Variants in PDZRN3 observed in about 807,000 individuals in gnomAD.
PDZRN3 encodes E3 ubiquitin-protein ligase PDZRN3.
In PDZRN3, 38 loss-of-function variants were observed where a neutral mutation model predicts 85.7. The ratio of observed to expected loss-of-function variants is 0.44; its 90% CI spans 0.34 to 0.58. The LOEUF is 0.58. PDZRN3 is among the 20% of genes least tolerant of loss of function. PDZRN3 has a pLI of 0.01. For synonymous variants in PDZRN3, 759 were observed against 638.0 expected, an observed-to-expected ratio of 1.19 and a Z score of -2.86; for missense variants, 1,629 against 1,506.4, an observed-to-expected ratio of 1.08 and a Z score of -1.35.
intron 3 of PDZRN3, among the ~76,000 whole-genome samples, chr3:73,550,739 A>C (rs1231549339): frequency 6.6e-6 from 1 of 152,248 alleles, no homozygotes; most frequent in Non-Finnish European, 1.5e-5. Flanking sequence ...TTTGTGAATT[A>C]TAAAGAAATA....
At chr3:73,494,952 G>A (rs4353756) in intron 3 of PDZRN3, among the ~76,000 whole-genome samples, 148,081 of 152,290 alleles carry the variant, frequency 0.97, 72,101 homozygotes, top group East Asian at 1. Context: ...ATTCTCACTT[G>A]TAAGTGGGAG....
intron 3 of PDZRN3, among the ~76,000 whole-genome samples, chr3:73,456,506 T>A (rs1466822837): frequency 2.0e-5 from 3 of 152,216 alleles, no homozygotes; most frequent in Admixed American, 6.5e-5. Context: ...TTATTCTTTT[T>A]AAAAAACTAT....
Position 73,384,108 on chromosome 3 carries a change from G to A in PDZRN3, c.2458C>T (p.Pro820Ser). 1.9e-6 allele frequency: 3 copies of A among 1,614,006 alleles called. No individual in the cohort carries two copies. The highest frequency in any genetic ancestry group is 2.5e-6 in the Non-Finnish European group (3 of 1,180,006). The part of the protein sequence containing the change: ...SITEDPEVGT[P>S]TYSPSLKELD... The stretch of plus-strand genomic sequence containing the variant: ...TCCTTCAGGGACGGGCTATAGGTAG[G>A]GGTGCCCACTTCGGGATCTTCCGTG... Residue 820 changes from proline (P) to serine (S), a missense_variant, in exon 10 of 10, where the codon CCT becomes TCT. Physicochemically the swap from Pro to Ser is moderately conservative, Grantham distance 74. Coordinates refer to ENST00000263666, the MANE Select transcript of PDZRN3 (RefSeq NM_015009.3).
At chr3:73,401,410 A>T (rs1368730741) in intron 4 of PDZRN3, among the ~76,000 whole-genome samples, 1 of 152,226 alleles carries the variant, frequency 6.6e-6, no homozygotes, top group Non-Finnish European at 1.5e-5. Flanking sequence ...AGCCCAGGCA[A>T]CAGTCTAAGA....
Position 73,608,696 on chromosome 3 carries a change from A to T in PDZRN3, c.724-12T>A. 1 of 1,552,506 alleles carries T rather than the reference A, an allele frequency of 6.4e-7. No individual in the cohort carries two copies. The highest frequency in any genetic ancestry group is 8.8e-7 in the Non-Finnish European group (1 of 1,130,316). On this transcript the variant is annotated splice_polypyrimidine_tract_variant and intron_variant, in intron 1 of 9. Transcript: ENST00000263666. ...TTGGTTTCTTCGCCCTGCAGGTAACAAATGAGATCAAACTTTTATTTACCA... is the reference window on the plus strand; with the variant it reads ...TTGGTTTCTTCGCCCTGCAGGTAACTAATGAGATCAAACTTTTATTTACCA...
intron 2 of PDZRN3, among the ~76,000 whole-genome samples, chr3:73,607,490 T>C (rs1332979668): frequency 6.6e-6 from 1 of 152,164 alleles, no homozygotes; most frequent in African/African-American, 2.4e-5. Context: ...AGCAGTGCTA[T>C]GCTCTCCCAA....
chr3:73,492,784 T>C (rs540443920), intron 3 of PDZRN3, among the ~76,000 whole-genome samples: 2 of 152,190 alleles, frequency 1.3e-5, no homozygotes, highest in Non-Finnish European at 1.5e-5. Flanking sequence ...ATTTTGAATG[T>C]TCCCAGTGCA....
At chr3:73,500,615 G>A (rs1313247658) in intron 3 of PDZRN3, among the ~76,000 whole-genome samples, 2 of 152,124 alleles carry the variant, frequency 1.3e-5, no homozygotes, top group African/African-American at 4.8e-5. Flanking sequence ...ATGCCTTCTT[G>A]TTCTAGAGTG....
intron 1 of PDZRN3, 36 bp downstream of exon 1, chr3:73,624,067 C>G: frequency 2.1e-6 from 3 of 1,406,660 alleles, no homozygotes; most frequent in Non-Finnish European, 2.8e-6. Context: ...CCCCAGGGAT[C>G]CTGGCTGGAG....
intron 3 of PDZRN3, among the ~76,000 whole-genome samples, chr3:73,430,479 T>C (rs924037144): frequency 2.6e-5 from 4 of 152,034 alleles, no homozygotes; most frequent in African/African-American, 9.7e-5. Flanking sequence ...TTAGAAGAGG[T>C]GGAGGGAGTA....
chr3:73,480,229 CA>C (rs1703535391), intron 3 of PDZRN3, among the ~76,000 whole-genome samples: 4 of 152,198 alleles, frequency 2.6e-5, no homozygotes, highest in Non-Finnish European at 5.9e-5. Context: ...CCACTGTTGT[CA>C]AAACAGTGGC....
intron 3 of PDZRN3, among the ~76,000 whole-genome samples, chr3:73,539,752 G>GT (rs1332558817): frequency 1.3e-5 from 2 of 152,010 alleles, no homozygotes; most frequent in African/African-American, 4.8e-5. Context: ...AGTTGGGATG[G>GT]TTTTTTACAC....
chr3:73,466,406 C>T (rs895245002), intron 3 of PDZRN3, among the ~76,000 whole-genome samples: 1 of 151,494 alleles, frequency 6.6e-6, no homozygotes, highest in Non-Finnish European at 1.5e-5. Context: ...TTAATAACAA[C>T]AAAAGCAAGA....
intron 2 of PDZRN3, among the ~76,000 whole-genome samples, chr3:73,607,315 T>C (rs1702616037): frequency 6.6e-6 from 1 of 152,236 alleles, no homozygotes; most frequent in Non-Finnish European, 1.5e-5. Flanking sequence ...TGGTACTGTG[T>C]ACACATTATA....
At chr3:73,404,005 G>A in intron 4 of PDZRN3, 143 bp downstream of exon 4, 1 of 694,694 alleles carries the variant, frequency 1.4e-6, no homozygotes, top group Non-Finnish European at 2.4e-6. Context: ...TCGATTTATT[G>A]CCTCTATAAA....
chr3:73,624,058 C>G, intron 1 of PDZRN3, 45 bp downstream of exon 1: 1 of 1,397,116 alleles, frequency 7.2e-7, no homozygotes, highest in Non-Finnish European at 9.2e-7. Context: ...GCCCTGGGTC[C>G]CCAGGGATCC....
At chr3:73,401,156 C>A in intron 4 of PDZRN3, 147 bp from the exon 5 acceptor site, 1 of 639,508 alleles carries the variant, frequency 1.6e-6, no homozygotes, top group East Asian at 2.8e-5. Context: ...GGGCTCTCAG[C>A]ACGGTCAGGA....
Position 73,576,894 on chromosome 3 carries a change from AAAT to A in PDZRN3, c.918+25457_918+25459del, listed in dbSNP as rs140072782. Among the ~76,000 whole-genome samples, 1,243 of 152,326 alleles carry A rather than the reference AAAT, an allele frequency of 8.2e-3. 25 individuals are homozygous for A. The highest frequency in any genetic ancestry group is 0.027 in the African/African-American group (1,112 of 41,564). Reference sequence around the variant, plus strand: ...GACTAAATTAGAATAAGTAAAAAAAAAATAACACATTAAATCAAGCACAACCCA... The same window carrying A: ...GACTAAATTAGAATAAGTAAAAAAAAAACACATTAAATCAAGCACAACCCA... On this transcript the variant is annotated intron_variant, in intron 3 of 9. Transcript: ENST00000263666.
chr3:73,546,433 T>A (rs956464441), intron 3 of PDZRN3, among the ~76,000 whole-genome samples: 2 of 152,240 alleles, frequency 1.3e-5, no homozygotes, highest in Admixed American at 6.5e-5. Flanking sequence ...CACAGCTGTC[T>A]GTCCTTAGAT....
Sources: allele counts gnomAD v4.1 joint callset (sites outside exome capture counted in the v4.1 genomes callset), GRCh38; gene constraint gnomAD v4.1.1; transcripts MANE v1.5; gene names NCBI Gene and HGNC (gene_info 2026-07-23, HGNC 2026-07-21).